The following ZBTB43 variants were observed in gnomAD, a reference collection of about 807,000 sequenced individuals.
The protein encoded by ZBTB43 is zinc finger and BTB domain-containing protein 43.
In ZBTB43, 6 loss-of-function variants were observed where a neutral mutation model predicts 31.1. That is an observed-to-expected ratio of 0.19 (90% CI 0.11 to 0.38). The LOEUF (loss-of-function observed/expected upper bound fraction) is 0.38, where lower values mean the gene tolerates loss of function less well. ZBTB43 is among the 10% of genes least tolerant of loss of function. The pLI is 1.00. For missense variants in ZBTB43, 379 were observed against 602.1 expected (o/e 0.63, Z 3.88); for synonymous variants, 212 against 221.7 (o/e 0.96, Z 0.39).
chr9:126,808,340 TG>T, intron 1 of ZBTB43, among the ~76,000 whole-genome samples: 1 of 152,326 alleles, frequency 6.6e-6, no homozygotes, highest in South Asian at 2.1e-4. Context: ...GCAGGTGGCT[TG>T]TTTTTTTAAA....
Position 126,834,008 on chromosome 9 carries a change from G to A in ZBTB43, c.*95G>A. Reference sequence around the variant, plus strand: ...GATGATGCGTGCTACTTGCTATTATGAGAGAAGCTTAAAAAAAAAAAGGAA... The same window carrying A: ...GATGATGCGTGCTACTTGCTATTATAAGAGAAGCTTAAAAAAAAAAAGGAA... On this transcript the variant is annotated 3_prime_UTR_variant, in exon 3 of 3. Transcript: ENST00000373464. The A allele has an allele frequency of 7.9e-7, 1 of 1,271,552 alleles. No individual in the cohort carries two copies. The highest frequency in any genetic ancestry group is 1.1e-6 in the Non-Finnish European group (1 of 942,990). 78.8% of individuals were successfully genotyped at this position (1,271,552 alleles called of 1,614,324 possible).
chr9:126,818,958 G>A (rs977568140), intron 2 of ZBTB43, among the ~76,000 whole-genome samples: 1 of 152,156 alleles, frequency 6.6e-6, no homozygotes. Flanking sequence ...TTAAATGTTT[G>A]TTAGAATTTA....
At chr9:126,805,960 A>G (rs2119099492) in intron 1 of ZBTB43, among the ~76,000 whole-genome samples, 2 of 152,344 alleles carry the variant, frequency 1.3e-5, no homozygotes, top group South Asian at 4.1e-4. Context: ...ACTCGACCGC[A>G]GTTTGGCCTC....
intron 2 of ZBTB43, among the ~76,000 whole-genome samples, chr9:126,819,303 T>TA (rs1261051202): frequency 4.7e-5 from 7 of 149,540 alleles, no homozygotes; most frequent in African/African-American, 1.8e-4. Context: ...TTTTTTTTTT[T>TA]TACAAATAGT....
Position 126,822,927 on chromosome 9 carries a change from C to CAT in ZBTB43, c.-23-9560_-23-9559insAT, listed in dbSNP as rs55885001. ...AAGTATTTTTAAATTAAGGTGAGTA[C>CAT]TTTTTTTTTTTTAGACATAATGCTA... On this transcript the variant is annotated intron_variant, in intron 2 of 2. Transcript: ENST00000373464. Among the ~76,000 whole-genome samples the CAT allele has an allele frequency of 6.7e-3, 1,011 of 150,198 alleles. 17 individuals are homozygous for CAT. The highest frequency in any genetic ancestry group is 0.022 in the African/African-American group (906 of 40,996).
At chr9:126,825,885 G>A (rs1198025335) in intron 2 of ZBTB43, among the ~76,000 whole-genome samples, 16 of 129,470 alleles carry the variant, frequency 1.2e-4, no homozygotes, top group African/African-American at 3.9e-4. Context: ...TCACTCTGTC[G>A]CCCAGGCTGA....
chr9:126,808,694 C>T (rs1475235820), intron 1 of ZBTB43, 99 bp from the exon 2 acceptor site: 2 of 152,174 alleles, frequency 1.3e-5, no homozygotes, highest in African/African-American at 4.8e-5. Context: ...GTCTTGATTA[C>T]TTTTCTTTCT....
chr9:126,828,116 A>G (rs924840149), intron 2 of ZBTB43, among the ~76,000 whole-genome samples: 6 of 152,164 alleles, frequency 3.9e-5, no homozygotes, highest in African/African-American at 1.4e-4. Context: ...ATTTTGGAGG[A>G]AAAAAGGCTG....
intron 2 of ZBTB43, among the ~76,000 whole-genome samples, chr9:126,821,033 A>G (rs1240467179): frequency 6.6e-6 from 1 of 150,614 alleles, no homozygotes; most frequent in Non-Finnish European, 1.5e-5. Flanking sequence ...ATTGATAGTG[A>G]TTCCTCTGAC....
intron 2 of ZBTB43, among the ~76,000 whole-genome samples, chr9:126,820,985 AAAG>A (rs2032496748): frequency 2.0e-5 from 3 of 149,782 alleles, no homozygotes; most frequent in South Asian, 4.2e-4. Context: ...AAAAAAAAAA[AAAG>A]GATATTTTGT....
At chr9:126,823,126 G>A (rs1217527873) in intron 2 of ZBTB43, among the ~76,000 whole-genome samples, 1 of 152,048 alleles carries the variant, frequency 6.6e-6, no homozygotes, top group African/African-American at 2.4e-5. Flanking sequence ...GGCTTAACTG[G>A]TTTATAATGT....
At position 126,832,686 on chromosome 9, in the gene ZBTB43, T is replaced by C. The variant is rs753157885; in HGVS notation, c.177T>C (p.Cys59=). Residue 59 remains cysteine (C), a synonymous_variant, in exon 3 of 3, where the codon TGT becomes TGC. Transcript: ENST00000373464. ...TTGCTGCCAGTTCACCCTACTTTTGTGACCAGGTACTCCTGAAAAACAGCA... is the reference window on the plus strand; with the variant it reads ...TTGCTGCCAGTTCACCCTACTTTTGCGACCAGGTACTCCTGAAAAACAGCA... ...AVLAASSPYF[C]DQVLLKNSRR... is the part of the protein sequence containing the mutation. The C allele has an allele frequency of 4.3e-6, 7 of 1,614,200 alleles. No individual in the cohort carries two copies. The highest frequency in any genetic ancestry group is 5.9e-6 in the Non-Finnish European group (7 of 1,180,038).
chr9:126,830,425 G>A (rs763169687), intron 2 of ZBTB43, among the ~76,000 whole-genome samples: 3 of 152,140 alleles, frequency 2.0e-5, no homozygotes, highest in African/African-American at 4.8e-5. Flanking sequence ...CGGGCAGATC[G>A]CTTGAGTTCA....
rs780632905 is a variant in ZBTB43, at chr9:126,817,100, C to CTTTTTTTT, written c.-24+8206_-24+8213dup. Among the ~76,000 whole-genome samples, 28 of 55,360 alleles carry CTTTTTTTT rather than the reference C, an allele frequency of 5.1e-4. 2 individuals carry two copies. Among genetic ancestry groups the CTTTTTTTT allele is most frequent in the African/African-American group, 1.6e-3 (23 of 14,124 alleles). The allele number at this position is 55,360 out of a possible 152,430, so 36.3% of individuals were successfully genotyped here. A position where few individuals can be genotyped will look rare whatever the true frequency, so the allele number is the denominator to read the frequency against. On this transcript the variant is annotated intron_variant, in intron 2 of 2. Coordinates refer to ENST00000373464, the MANE Select transcript of ZBTB43 (RefSeq NM_014007.4). The stretch of plus-strand genomic sequence containing the variant: ...CAACTTGGCCCCATTTCCACTGTAT[C>CTTTTTTTT]TTTTTTTTTTTTTTTTTTTTTTTTT...
At chr9:126,828,704 T>G (rs1023541400) in intron 2 of ZBTB43, among the ~76,000 whole-genome samples, 2 of 148,540 alleles carry the variant, frequency 1.3e-5, no homozygotes, top group Non-Finnish European at 3.0e-5. Context: ...CCCTCCTATA[T>G]CTGACACAAA....
At chr9:126,821,125 T>A (rs113132406) in intron 2 of ZBTB43, among the ~76,000 whole-genome samples, 2,561 of 152,172 alleles carry the variant, frequency 0.017, 81 homozygotes, top group African/African-American at 0.059. Flanking sequence ...TCCCAGCACT[T>A]TGGGAGGCCA....
chr9:126,818,119 CT>C (rs573239954), intron 2 of ZBTB43, among the ~76,000 whole-genome samples: 213 of 133,276 alleles, frequency 1.6e-3, no homozygotes, highest in East Asian at 7.6e-3. Flanking sequence ...TTTTCTTTTT[CT>C]TTTTTTTTTT....
At chr9:126,830,602 C>T (rs1458722319) in intron 2 of ZBTB43, among the ~76,000 whole-genome samples, 2 of 152,144 alleles carry the variant, frequency 1.3e-5, no homozygotes, top group African/African-American at 2.4e-5. Flanking sequence ...GAGCTGTGAT[C>T]ACACCACTGT....
chr9:126,815,208 A>G (rs996174454), intron 2 of ZBTB43, among the ~76,000 whole-genome samples: 6 of 146,152 alleles, frequency 4.1e-5, no homozygotes, highest in Non-Finnish European at 7.5e-5. Context: ...TTTTCAATAT[A>G]TAAAACTATA....
Sources: gnomAD v4.1 joint callset for allele counts (sites outside exome capture counted in the v4.1 genomes callset) on GRCh38, gnomAD v4.1.1 for gene constraint, MANE v1.5 for transcripts, NCBI Gene and HGNC (gene_info 2026-07-23, HGNC 2026-07-21) for gene names.